SNAP91: variants seen among roughly 807,000 people sequenced by gnomAD.
SNAP91 encodes synaptosome associated protein 91, also known as clathrin coat assembly protein AP180.
Under a neutral mutation model 100.3 loss-of-function variants are expected in SNAP91, and 27 were observed. The observed-to-expected ratio is 0.27, with a 90% CI of 0.20 to 0.37. The LOEUF is 0.37. Among genes scored for constraint, SNAP91 ranks in the 10% least tolerant of loss-of-function variants. The pLI is 1.00. For missense variants in SNAP91, 986 were observed against 1,123.7 expected, an observed-to-expected ratio of 0.88 and a Z score of 1.75; for synonymous variants, 404 against 398.6, an observed-to-expected ratio of 1.01 and a Z score of -0.16.
At chr6:83,658,112 A>C (rs2098451943) in intron 6 of SNAP91, among the ~76,000 whole-genome samples, 1 of 152,012 alleles carries the variant, frequency 6.6e-6, no homozygotes, top group Non-Finnish European at 1.5e-5. Context: ...TTTTATTTTA[A>C]GATAACTCTA....
intron 2 of SNAP91, among the ~76,000 whole-genome samples, chr6:83,667,186 T>C (rs1294217807): frequency 6.6e-6 from 1 of 152,082 alleles, no homozygotes; most frequent in Non-Finnish European, 1.5e-5. Context: ...CCAATGCATT[T>C]AAACGTAACA....
intron 10 of SNAP91, among the ~76,000 whole-genome samples, chr6:83,615,627 C>G (rs896537974): frequency 6.6e-6 from 1 of 152,146 alleles, no homozygotes; most frequent in East Asian, 1.9e-4. Context: ...CTTGAAAGAG[C>G]CCCTGAGAGC....
intron 6 of SNAP91, 120 bp downstream of exon 6, chr6:83,658,879 T>C (rs1375109743): frequency 5.6e-6 from 4 of 710,304 alleles, no homozygotes; most frequent in Non-Finnish European, 9.3e-6. Flanking sequence ...GAACTAAGTA[T>C]TCATCTAAAT....
intron 11 of SNAP91, among the ~76,000 whole-genome samples, chr6:83,611,796 A>T (rs2096107300): frequency 6.7e-6 from 1 of 149,110 alleles, no homozygotes; most frequent in South Asian, 2.1e-4. Flanking sequence ...TCCCGGGTTC[A>T]CGCCATTCTC....
intron 7 of SNAP91, among the ~76,000 whole-genome samples, chr6:83,645,824 C>A (rs2097895683): frequency 6.6e-6 from 1 of 152,170 alleles, no homozygotes; most frequent in Admixed American, 6.5e-5. Context: ...GCACTCCAGT[C>A]TGGGAGACAG....
chr6:83,579,014 C>G (rs1165278184), intron 24 of SNAP91, among the ~76,000 whole-genome samples: 1 of 151,988 alleles, frequency 6.6e-6, no homozygotes, highest in Non-Finnish European at 1.5e-5. Context: ...ACTGAATGGT[C>G]TTGGTATCCT....
chr6:83,635,999 C>G (rs2097427365), intron 8 of SNAP91, among the ~76,000 whole-genome samples: 1 of 152,170 alleles, frequency 6.6e-6, no homozygotes, highest in Non-Finnish European at 1.5e-5. Flanking sequence ...AAATAGGCTA[C>G]AAATCTCTAG....
chr6:83,647,949 G>A (rs1253889921), intron 7 of SNAP91, among the ~76,000 whole-genome samples: 1 of 152,124 alleles, frequency 6.6e-6, no homozygotes, highest in Non-Finnish European at 1.5e-5. Flanking sequence ...CGTGGTGAGA[G>A]AGTGCATGCC....
intron 7 of SNAP91, among the ~76,000 whole-genome samples, chr6:83,652,410 T>C (rs907755826): frequency 1.3e-5 from 2 of 152,116 alleles, no homozygotes. Flanking sequence ...GAGTTTGCTA[T>C]GTACATTTAC....
At chr6:83,670,803 A>C (rs2098771921) in intron 2 of SNAP91, among the ~76,000 whole-genome samples, 1 of 151,768 alleles carries the variant, frequency 6.6e-6, no homozygotes, top group Admixed American at 6.6e-5. Flanking sequence ...TGTCAAAAAT[A>C]AATGGACCAC....
At chr6:83,684,797 A>G (rs2099039179) in intron 2 of SNAP91, among the ~76,000 whole-genome samples, 1 of 152,186 alleles carries the variant, frequency 6.6e-6, no homozygotes, top group Admixed American at 6.5e-5. Flanking sequence ...AAACTATTTA[A>G]TATCACATTG....
intron 2 of SNAP91, among the ~76,000 whole-genome samples, chr6:83,698,733 A>G (rs2099254659): frequency 6.6e-6 from 1 of 152,156 alleles, no homozygotes; most frequent in African/African-American, 2.4e-5. Context: ...CCACACTCCA[A>G]TATCTAAGAC....
chr6:83,623,304 T>C lies in SNAP91; in HGVS notation c.804A>G (p.Thr268=). The part of the protein sequence containing the change: ...GIDKGDIPDL[T]QAPSSLMETL... Reference sequence around the variant, plus strand: ...TTCCACTGGGAGAGTTGCTTACCTGTGTGAGGTCAGGAATGTCACCTTTAT... The same window carrying C: ...TTCCACTGGGAGAGTTGCTTACCTGCGTGAGGTCAGGAATGTCACCTTTAT... Residue 268 remains threonine, a synonymous_variant, in exon 9 of 30, where the codon ACA becomes ACG. Transcript: ENST00000369694. 3 of 1,607,644 alleles carry C rather than the reference T, an allele frequency of 1.9e-6. No homozygotes were observed. The highest frequency in any genetic ancestry group is 2.2e-5 in the South Asian group (2 of 89,826).
chr6:83,592,658 A>G (rs969743112), intron 20 of SNAP91, 120 bp from the exon 21 acceptor site: 3 of 802,420 alleles, frequency 3.7e-6, no homozygotes, highest in Non-Finnish European at 6.1e-6. Flanking sequence ...ACTGTAGACA[A>G]TCTTAACAGT....
intron 16 of SNAP91, among the ~76,000 whole-genome samples, chr6:83,598,463 T>C (rs1419701580): frequency 5.9e-5 from 9 of 152,184 alleles, no homozygotes; most frequent in African/African-American, 2.2e-4. Context: ...GTAATTTAAA[T>C]ATAGTACTAA....
rs2092521904 is a variant in SNAP91 at position 83,585,998 on chromosome 6, T to A, written c.2015-3642A>T. On this transcript the variant is annotated intron_variant, in intron 22 of 29. Coordinates refer to ENST00000369694, the MANE Select transcript of SNAP91 (RefSeq NM_001242792.2). The stretch of plus-strand genomic sequence containing the variant: ...CCCAAGTAGCTGGGATTACAGCGTG[T>A]GTCACTACACCCAGCTAATTTTTGT... 1.3e-5 allele frequency among the ~76,000 whole-genome samples: 2 copies of A among 151,948 alleles called. 1 individual carries two copies. Among genetic ancestry groups the A allele is most frequent in the South Asian group, 4.2e-4 (2 of 4,818 alleles).
intron 8 of SNAP91, among the ~76,000 whole-genome samples, chr6:83,628,558 C>T (rs1175901459): frequency 6.6e-6 from 1 of 151,560 alleles, no homozygotes; most frequent in African/African-American, 2.4e-5. Flanking sequence ...TTGATTATGG[C>T]CATTCTTGCA....
chr6:83,570,504 G>A (rs182804724), intron 26 of SNAP91, among the ~76,000 whole-genome samples: 25 of 148,722 alleles, frequency 1.7e-4, no homozygotes, highest in African/African-American at 6.0e-4. Flanking sequence ...GGACACGTCA[G>A]AGAACTTTGT....
At chr6:83,655,853 T>C (rs569339814) in intron 7 of SNAP91, among the ~76,000 whole-genome samples, 1 of 152,290 alleles carries the variant, frequency 6.6e-6, no homozygotes, top group South Asian at 2.1e-4. Context: ...ATTATACCCA[T>C]GGACTCTGGG....
Sources: gnomAD v4.1 joint callset for allele counts (sites outside exome capture counted in the v4.1 genomes callset) on GRCh38, gnomAD v4.1.1 for gene constraint, MANE v1.5 for transcripts, NCBI Gene and HGNC (gene_info 2026-07-23, HGNC 2026-07-21) for gene names.